The following WIPF3 variants were observed in gnomAD, a reference collection of about 807,000 sequenced individuals.
WIPF3 encodes the protein WAS/WASL interacting protein family member 3.
WIPF3 carries 33 observed loss-of-function variants against 38.9 expected under a neutral mutation model. The observed-to-expected ratio is 0.85, with a 90% CI of 0.64 to 1.14. The LOEUF (loss-of-function observed/expected upper bound fraction) is 1.14. Among genes scored for constraint, WIPF3 ranks in the 50% most tolerant of loss-of-function variants. The pLI is 0.00. For missense variants in WIPF3, 711 were observed against 652.5 expected, an observed-to-expected ratio of 1.09 and a Z score of -0.98; for synonymous variants, 324 against 269.3, an observed-to-expected ratio of 1.20 and a Z score of -1.99.
rs1785654608 is a variant in WIPF3 at position 29,878,644 on chromosome 7, A to C, written c.224-365A>C. Among the ~76,000 whole-genome samples the C allele has an allele frequency of 6.6e-6, 1 of 151,398 alleles. No individual in the cohort carries two copies. The highest frequency in any genetic ancestry group is 6.6e-5 in the Admixed American group (1 of 15,200). ...GTCTAGTCCTCCATAGCCAAGTTGAAAATAAGAGCAGCTCTACACCTACCA... is the reference window on the plus strand; with the variant it reads ...GTCTAGTCCTCCATAGCCAAGTTGACAATAAGAGCAGCTCTACACCTACCA... On this transcript the variant is annotated intron_variant, in intron 3 of 8. Transcript: ENST00000242140. The surrounding 1 kb of genome is among the most constrained non-coding windows in gnomAD (Gnocchi z 4.0).
chr7:29,853,296 G>A (rs1785134848), intron 2 of WIPF3, among the ~76,000 whole-genome samples: 1 of 152,184 alleles, frequency 6.6e-6, no homozygotes, highest in Non-Finnish European at 1.5e-5. Context: ...AGTCCAACAG[G>A]CAGCTAGCCC....
intron 2 of WIPF3, among the ~76,000 whole-genome samples, chr7:29,860,629 A>C (rs1240513934): frequency 6.6e-6 from 1 of 151,810 alleles, no homozygotes; most frequent in Non-Finnish European, 1.5e-5. Context: ...TTATAGCAAC[A>C]CAAACAGACT....
Position 29,834,781 on chromosome 7 carries a change from G to A in WIPF3, c.57G>A (p.Gly19=). 1.3e-6 allele frequency: 2 copies of A among 1,513,264 alleles called. No homozygotes were observed. The highest frequency in any genetic ancestry group is 1.8e-6 in the Non-Finnish European group (2 of 1,128,074). The allele number at this position is 1,513,264 out of a possible 1,614,324, so 93.7% of individuals were successfully genotyped here. A position where few individuals can be genotyped will look rare whatever the true frequency, so the allele number is the denominator to read the frequency against. The change falls in exon 2 of 9, where the codon GGG becomes GGA. Residue 19 remains glycine (G), a synonymous_variant. Transcript: ENST00000242140. ...TGCCTCCACCTCCCCCGCCTCTGGG[G>A]GCTCCTCCCCCTCCCCCACCATCAG... is the stretch of plus-strand genomic sequence containing the variant. ...PPLPPPPPPL[G]APPPPPPSAP... is the part of the protein sequence containing the mutation.
At chr7:29,810,942 G>A (rs1784363317) in intron 1 of WIPF3, among the ~76,000 whole-genome samples, 1 of 152,098 alleles carries the variant, frequency 6.6e-6, no homozygotes, top group Non-Finnish European at 1.5e-5. Flanking sequence ...AAGCTGGAGT[G>A]CAGTGGTTTG....
intron 4 of WIPF3, 47 bp downstream of exon 4, chr7:29,879,187 A>G: frequency 6.3e-7 from 1 of 1,584,158 alleles, no homozygotes; most frequent in Non-Finnish European, 8.6e-7. Context: ...TATCTCCTTA[A>G]CTTGTGGAAC....
At position 29,823,712 on chromosome 7, in the gene WIPF3, C is replaced by CGGTT. The variant is rs981610435; in HGVS notation, c.-57-10955_-57-10952dup. 2.6e-5 allele frequency among the ~76,000 whole-genome samples: 4 copies of CGGTT among 152,070 alleles called. No homozygotes were observed. Among genetic ancestry groups the CGGTT allele is most frequent in the African/African-American group, 9.7e-5 (4 of 41,390 alleles). Reference sequence around the variant, plus strand: ...TGGTGGCAGGTGATTGGATCGTGGGCGGTTTCTCATTATTGGTTTAGTGCC... The same window carrying CGGTT: ...TGGTGGCAGGTGATTGGATCGTGGGCGGTTGGTTTCTCATTATTGGTTTAGTGCC... On this transcript the variant is annotated intron_variant, in intron 1 of 8. Transcript: ENST00000242140. The surrounding 1 kb of genome is among the most constrained non-coding windows in gnomAD (Gnocchi z 4.0).
intron 2 of WIPF3, among the ~76,000 whole-genome samples, chr7:29,871,030 A>G (rs1227438110): frequency 6.6e-6 from 1 of 152,168 alleles, no homozygotes; most frequent in East Asian, 1.9e-4. Flanking sequence ...ATGGATTGGA[A>G]TTGGATATTT....
At chr7:29,811,290 G>GATT (rs996211228) in intron 1 of WIPF3, among the ~76,000 whole-genome samples, 1 of 149,086 alleles carries the variant, frequency 6.7e-6, no homozygotes, top group South Asian at 2.2e-4. Flanking sequence ...TGATGATGAT[G>GATT]ATCTGATGCT....
chr7:29,881,228 C>T (rs4496871), intron 4 of WIPF3, among the ~76,000 whole-genome samples: 4 of 152,106 alleles, frequency 2.6e-5, no homozygotes, highest in Non-Finnish European at 4.4e-5. Flanking sequence ...TTGTATTACT[C>T]GGCACCACCT....
intron 2 of WIPF3, among the ~76,000 whole-genome samples, chr7:29,837,422 A>T (rs1784823874): frequency 1.3e-5 from 2 of 152,236 alleles, no homozygotes; most frequent in Admixed American, 1.3e-4. Flanking sequence ...TACTTAATAT[A>T]TGTAATAAAT....
intron 2 of WIPF3, among the ~76,000 whole-genome samples, chr7:29,838,908 C>A (rs973330898): frequency 6.6e-6 from 1 of 152,122 alleles, no homozygotes; most frequent in Non-Finnish European, 1.5e-5. Flanking sequence ...ACAATACATG[C>A]AACAATGTGG....
intron 2 of WIPF3, among the ~76,000 whole-genome samples, chr7:29,841,408 A>G (rs1461668651): frequency 6.6e-6 from 1 of 152,212 alleles, no homozygotes; most frequent in Admixed American, 6.5e-5. Context: ...GAGCCTGCTG[A>G]AGCTGTGGAG....
chr7:29,881,228 C>G (rs4496871), intron 4 of WIPF3, among the ~76,000 whole-genome samples: 19,182 of 152,188 alleles, frequency 0.13, 1,333 homozygotes, highest in Non-Finnish European at 0.16. Flanking sequence ...TTGTATTACT[C>G]GGCACCACCT....
rs1747410636 is a variant in WIPF3 at position 29,881,838 on chromosome 7, G to A, written c.356-2012G>A. ...CCTTTCCTATGGGCACAGCATCCCT[G>A]ATGCCCTCAATCTGGCCTTTCCCGC... On this transcript the variant is annotated intron_variant, in intron 4 of 8. Coordinates refer to ENST00000242140, the MANE Select transcript of WIPF3 (RefSeq NM_001080529.3). Among the ~76,000 whole-genome samples the A allele has an allele frequency of 4.6e-5, 7 of 152,226 alleles. No individual in the cohort carries two copies. The South Asian group carries it at 1.4e-3, about 32-fold the overall frequency.
At chr7:29,815,393 C>T (rs1484137118) in intron 1 of WIPF3, among the ~76,000 whole-genome samples, 3 of 152,204 alleles carry the variant, frequency 2.0e-5, no homozygotes, top group South Asian at 2.1e-4. Context: ...AATTTGCCTG[C>T]GGACATAGAA....
At chr7:29,888,396 A>C (rs1397864551) in intron 6 of WIPF3, among the ~76,000 whole-genome samples, 179 bp downstream of exon 6, 1 of 152,144 alleles carries the variant, frequency 6.6e-6, no homozygotes, top group Admixed American at 6.5e-5. Flanking sequence ...GGTTCCTTTC[A>C]AGGCTTTCTG....
chr7:29,893,935 A>AGTAAT (rs1409142765), intron 7 of WIPF3, among the ~76,000 whole-genome samples: 2 of 152,240 alleles, frequency 1.3e-5, no homozygotes, highest in African/African-American at 4.8e-5. Context: ...ACATATTTGA[A>AGTAAT]GTAATGCAGG....
chr7:29,829,551 G>A (rs572608418), intron 1 of WIPF3, among the ~76,000 whole-genome samples: 2 of 152,260 alleles, frequency 1.3e-5, no homozygotes, highest in African/African-American at 4.8e-5. Flanking sequence ...TATTTGTAGT[G>A]GTGATGATAA....
At chr7:29,909,681 G>A (rs1011080411) in intron 8 of WIPF3, among the ~76,000 whole-genome samples, 18 of 152,170 alleles carry the variant, frequency 1.2e-4, no homozygotes, top group Admixed American at 3.3e-4. Flanking sequence ...AGAATTGCTT[G>A]AGGCCAGGAG....
Sources: gnomAD v4.1 joint callset for allele counts (sites outside exome capture counted in the v4.1 genomes callset) on GRCh38, gnomAD v4.1.1 for gene constraint, Gnocchi (gnomAD v3.1) non-coding constraint, MANE v1.5 for transcripts, NCBI Gene and HGNC (gene_info 2026-07-23, HGNC 2026-07-21) for gene names.